Variants in FSD2 observed in about 807,000 individuals in gnomAD.
FSD2 encodes the protein fibronectin type III and SPRY domain-containing protein 2.
In FSD2, 71 loss-of-function variants were observed where a neutral mutation model predicts 80.4. That is an observed-to-expected ratio of 0.88 (90% CI 0.73 to 1.08). The LOEUF (loss-of-function observed/expected upper bound fraction) is 1.08. Among genes scored for constraint, FSD2 ranks in the 50% least tolerant of loss-of-function variants. The pLI, the probability that FSD2 is intolerant of heterozygous loss-of-function variation, is 0.00. For missense variants in FSD2, 923 were observed against 913.8 expected, an observed-to-expected ratio of 1.01 and a Z score of -0.13; for synonymous variants, 361 against 329.5, an observed-to-expected ratio of 1.10 and a Z score of -1.03.
Position 82,794,891 on chromosome 15 carries a change from A to C in FSD2, c.-78-7423T>G, listed in dbSNP as rs1369556099. On this transcript the variant is annotated intron_variant, in intron 1 of 12. Transcript: ENST00000334574. ...AGGCGCCCGCCACCACGCCTGGCTA[A>C]TTTTTTGTATTTTTAGTAGAGACGG... 2.0e-5 allele frequency among the ~76,000 whole-genome samples: 3 copies of C among 151,724 alleles called. No homozygotes were observed. The East Asian group carries it at 5.8e-4, about 29-fold the overall frequency.
Position 82,768,990 on chromosome 15 carries a change from G to C in FSD2, c.1443C>G (p.Ser481Arg). 1 of 1,601,944 alleles carries C rather than the reference G, an allele frequency of 6.2e-7. No homozygotes were observed. The highest frequency in any genetic ancestry group is 2.3e-5 in the East Asian group (1 of 44,330). ...AGCAAATCAGCACAGCCTCTTCACA[G>C]CTCCTTATCTCTTTGGTTTTAATAA... ...PPIIKTKEIR[S>R]CEEAVLICWE... The change falls in exon 9 of 13, where the codon AGC becomes AGG. Residue 481 changes from serine (S) to arginine (R), a missense_variant. Coordinates refer to ENST00000334574, the MANE Select transcript of FSD2 (RefSeq NM_001007122.4).
chr15:82,769,690 C>G (rs2049514177), intron 8 of FSD2, 60 bp downstream of exon 8: 2 of 1,546,706 alleles, frequency 1.3e-6, no homozygotes, highest in African/African-American at 1.4e-5. Context: ...GTCTAGAAAC[C>G]CATGACTCCT....
rs1479337219 is a variant in FSD2 at position 82,756,512 on chromosome 15, C to G, written c.*2836G>C. The stretch of plus-strand genomic sequence containing the variant: ...AGTGATTGTGTGTCATTTGAACCAG[C>G]AGGAAGTAATTTATTAAACACACTT... On this transcript the variant is annotated 3_prime_UTR_variant, in exon 13 of 13. Transcript: ENST00000334574. 6.6e-6 allele frequency: 1 copy of G among 152,208 alleles called. No individual in the cohort carries two copies. The highest frequency in any genetic ancestry group is 1.5e-5 in the Non-Finnish European group (1 of 68,040). The allele number at this position is 152,208 out of a possible 1,614,324, so 9.4% of individuals were successfully genotyped here.
intron 11 of FSD2, among the ~76,000 whole-genome samples, chr15:82,764,923 C>T (rs912910108): frequency 6.6e-6 from 1 of 152,050 alleles, no homozygotes; most frequent in Admixed American, 6.5e-5. Flanking sequence ...GGACCATGCC[C>T]TCCCAGGGGA....
chr15:82,801,961 C>T (rs2050423867), intron 1 of FSD2, among the ~76,000 whole-genome samples: 1 of 152,160 alleles, frequency 6.6e-6, no homozygotes, highest in African/African-American at 2.4e-5. Flanking sequence ...ATCGCAAAGC[C>T]AGTGGTTTCC....
rs780055387 is a variant in FSD2, at chr15:82,782,981, G to C, written c.780C>G (p.Asn260Lys). The C allele has an allele frequency of 1.9e-6, 3 of 1,613,376 alleles. No homozygotes were observed. The highest frequency in any genetic ancestry group is 2.5e-6 in the Non-Finnish European group (3 of 1,179,784). Residue 260 changes from asparagine to lysine, a missense_variant, in exon 4 of 13, where the codon AAC becomes AAG. Transcript: ENST00000334574. ...TTTGAGCAAGTGTTTCCAAGATCTCGTTGTAATGTGACTCAAAGTTTTGTT... is the reference window on the plus strand; with the variant it reads ...TTTGAGCAAGTGTTTCCAAGATCTCCTTGTAATGTGACTCAAAGTTTTGTT... ...KQEQNFESHY[N>K]EILETLAQKY...
intron 9 of FSD2, 139 bp downstream of exon 9, chr15:82,768,741 G>T (rs2049484713): frequency 1.4e-6 from 1 of 721,188 alleles, no homozygotes; most frequent in Non-Finnish European, 1.9e-6. Context: ...TACTTCTCAT[G>T]AACACTAAGC....
chr15:82,777,673 C>T (rs2049745222), intron 6 of FSD2, among the ~76,000 whole-genome samples: 1 of 151,984 alleles, frequency 6.6e-6, no homozygotes, highest in African/African-American at 2.4e-5. Context: ...TGGTGAAACC[C>T]TGTCTCTACT....
chr15:82,795,828 T>C (rs2050251281), intron 1 of FSD2, among the ~76,000 whole-genome samples: 1 of 141,440 alleles, frequency 7.1e-6, no homozygotes, highest in African/African-American at 2.5e-5. Flanking sequence ...CGAGACTCCA[T>C]CTCAAAAAAA....
intron 10 of FSD2, 137 bp from the exon 11 acceptor site, chr15:82,765,435 G>A: frequency 1.8e-6 from 2 of 1,095,716 alleles, no homozygotes. Flanking sequence ...CAGTTAACAA[G>A]GATGGCAATT....
At chr15:82,783,798 T>C (rs913370568) in intron 3 of FSD2, among the ~76,000 whole-genome samples, 5 of 152,014 alleles carry the variant, frequency 3.3e-5, no homozygotes, top group African/African-American at 1.2e-4. Flanking sequence ...TTAAATCAAC[T>C]AGGATCATAT....
At chr15:82,774,881 C>T (rs972441544) in intron 6 of FSD2, among the ~76,000 whole-genome samples, 10 of 151,692 alleles carry the variant, frequency 6.6e-5, no homozygotes, top group Non-Finnish European at 1.5e-4. Context: ...GCCACCACAG[C>T]CAGCTAATTT....
chr15:82,770,350 G>C (rs2049535720), intron 7 of FSD2, among the ~76,000 whole-genome samples: 1 of 152,198 alleles, frequency 6.6e-6, no homozygotes, highest in Admixed American at 6.5e-5. Context: ...GTTCAGAATA[G>C]AACTGTTTGG....
At position 82,787,111 on chromosome 15, in the gene FSD2, T is replaced by C; in HGVS notation, c.280A>G (p.Asn94Asp). 1.9e-6 allele frequency: 3 copies of C among 1,613,974 alleles called. No individual in the cohort carries two copies. The highest frequency in any genetic ancestry group is 2.5e-6 in the Non-Finnish European group (3 of 1,179,892). The change falls in exon 2 of 13, where the codon AAC becomes GAC. Residue 94 changes from asparagine to aspartate, a missense_variant. Transcript: ENST00000334574. ...TCTGAAACCCCTGTTCTGGGTATGT[T>C]TTCATCAACAAACTCATCCCCTAAT... is the stretch of plus-strand genomic sequence containing the variant. ...HELGDEFVDE[N>D]IPRTGVSEYP...
At chr15:82,788,504 C>CAAA (rs11317915) in intron 1 of FSD2, among the ~76,000 whole-genome samples, 9 of 66,216 alleles carry the variant, frequency 1.4e-4, no homozygotes, top group Admixed American at 2.0e-4. Flanking sequence ...GACCCTGTCT[C>CAAA]AAAAAAAAAA....
At chr15:82,768,288 C>T in intron 9 of FSD2, among the ~76,000 whole-genome samples, 1 of 152,238 alleles carries the variant, frequency 6.6e-6, no homozygotes. Context: ...GGCCTGTGTT[C>T]ATGCAGCCCC....
chr15:82,786,933 G>A lies in FSD2; in HGVS notation c.458C>T (p.Thr153Ile). 1.2e-6 allele frequency: 2 copies of A among 1,614,038 alleles called. No homozygotes were observed. Among genetic ancestry groups the A allele is most frequent in the South Asian group, 1.1e-5 (1 of 91,088 alleles). ...CQDLREAYRY[T>I]HGRASEEYEC... Reference sequence around the variant, plus strand: ...ATACTCCTCGCTGGCACGGCCGTGTGTGTACCTATAGGCTTCCCGCAAGTC... The same window carrying A: ...ATACTCCTCGCTGGCACGGCCGTGTATGTACCTATAGGCTTCCCGCAAGTC... The change falls in exon 2 of 13, where the codon ACA (threonine) becomes ATA (isoleucine). Residue 153 changes from threonine (T) to isoleucine (I), a missense_variant. Thr to Ile is a moderately conservative substitution (Grantham distance 89). Transcript: ENST00000334574.
chr15:82,786,728 G>C, intron 2 of FSD2, 24 bp downstream of exon 2: 1 of 1,610,702 alleles, frequency 6.2e-7, no homozygotes, highest in African/African-American at 1.3e-5. Flanking sequence ...TCAAGACAGA[G>C]AAGAACCAAG....
At chr15:82,805,206 T>C (rs2050502077) in intron 1 of FSD2, among the ~76,000 whole-genome samples, 1 of 150,500 alleles carries the variant, frequency 6.6e-6, no homozygotes, top group African/African-American at 2.4e-5. Flanking sequence ...CTTGAACTCC[T>C]GGGCTCATGC....
Sources: allele counts gnomAD v4.1 joint callset (sites outside exome capture counted in the v4.1 genomes callset), GRCh38; gene constraint gnomAD v4.1.1; transcripts MANE v1.5; gene names NCBI Gene and HGNC (gene_info 2026-07-23, HGNC 2026-07-21).